Variants in EMB observed in about 807,000 individuals in gnomAD.
EMB encodes embigin homolog.
A neutral mutation model predicts 41.4 loss-of-function variants in EMB; 31 were observed. That is an observed-to-expected ratio of 0.75 (90% CI 0.56 to 1.01). The LOEUF (loss-of-function observed/expected upper bound fraction) is 1.01, where lower values mean the gene tolerates loss of function less well. EMB is among the 50% of genes least tolerant of loss of function. EMB has a pLI of 0.00. For synonymous variants in EMB, 137 were observed against 140.4 expected (o/e 0.98, Z 0.17); for missense variants, 379 against 388.3 (o/e 0.98, Z 0.20).
At chr5:50,410,753 A>C (rs562930785) in intron 4 of EMB, 124 bp downstream of exon 4, 1 of 628,974 alleles carries the variant, frequency 1.6e-6, no homozygotes, top group African/African-American at 1.9e-5. Context: ...TCTGGAAAGC[A>C]TATGACTTTC....
intron 1 of EMB, among the ~76,000 whole-genome samples, chr5:50,439,854 C>A (rs1745867484): frequency 6.6e-6 from 1 of 152,084 alleles, no homozygotes; most frequent in South Asian, 2.1e-4. Context: ...AATAATGTCC[C>A]AATTTTAGTT....
At chr5:50,432,903 C>T (rs978144786) in intron 1 of EMB, among the ~76,000 whole-genome samples, 7 of 151,850 alleles carry the variant, frequency 4.6e-5, no homozygotes, top group African/African-American at 1.7e-4. Context: ...ATGGTGAAAC[C>T]CCGTCTCTAC....
At chr5:50,428,385 T>C in intron 1 of EMB, 158 bp from the exon 2 acceptor site, 7 of 1,187,878 alleles carry the variant, frequency 5.9e-6, no homozygotes, top group Non-Finnish European at 7.5e-6. Flanking sequence ...CATTTAGAGA[T>C]ATATTAGGCT....
At chr5:50,426,667 T>C (rs1024204516) in intron 2 of EMB, among the ~76,000 whole-genome samples, 32 of 152,062 alleles carry the variant, frequency 2.1e-4, no homozygotes, top group Non-Finnish European at 2.8e-4. Flanking sequence ...AGTAACAACA[T>C]AGAAATGTTA....
intron 4 of EMB, among the ~76,000 whole-genome samples, chr5:50,410,368 T>C (rs1027226808): frequency 5.9e-5 from 9 of 152,106 alleles, no homozygotes; most frequent in African/African-American, 2.2e-4. Flanking sequence ...GAAATGTGGA[T>C]GATATTCTGT....
chr5:50,430,316 C>G (rs1223048965), intron 1 of EMB, among the ~76,000 whole-genome samples: 3 of 152,132 alleles, frequency 2.0e-5, no homozygotes, highest in Non-Finnish European at 4.4e-5. Context: ...CAGCAGAATA[C>G]AATCTTAAGG....
intron 2 of EMB, among the ~76,000 whole-genome samples, chr5:50,420,932 G>C (rs1417729969): frequency 6.6e-6 from 1 of 152,098 alleles, no homozygotes; most frequent in Non-Finnish European, 1.5e-5. Flanking sequence ...TCACACAGTT[G>C]ACTCATCCAT....
Position 50,441,181 on chromosome 5 carries a change from G to C in EMB, c.-30C>G. 1 of 1,346,244 alleles carries C rather than the reference G, an allele frequency of 7.4e-7. No homozygotes were observed. The highest frequency in any genetic ancestry group is 9.7e-7 in the Non-Finnish European group (1 of 1,027,058). 83.4% of individuals were successfully genotyped at this position (1,346,244 alleles called of 1,614,324 possible). ...CCAGAGGGTCCGCCTGGGTCCTCGT[G>C]GAGACTGCTCCCTCAGCTCGCCGCC... On this transcript the variant is annotated 5_prime_UTR_variant, in exon 1 of 9. Transcript: ENST00000303221.
chr5:50,420,543 T>C (rs1310326697), intron 2 of EMB, among the ~76,000 whole-genome samples: 2 of 152,166 alleles, frequency 1.3e-5, no homozygotes, highest in African/African-American at 2.4e-5. Context: ...AACAACAGAC[T>C]CTCTCTATCA....
chr5:50,425,972 C>T (rs1433976823), intron 2 of EMB, among the ~76,000 whole-genome samples: 2 of 152,140 alleles, frequency 1.3e-5, no homozygotes. Flanking sequence ...GCAGCAAATG[C>T]AACTTCTAAA....
intron 4 of EMB, among the ~76,000 whole-genome samples, chr5:50,409,382 TAGAAAAAAAA>T (rs1281795279): frequency 6.6e-6 from 1 of 151,910 alleles, no homozygotes; most frequent in East Asian, 1.9e-4. Flanking sequence ...CACAATGTCT[TAGAAAAAAAA>T]AGAAAAAAGT....
intron 2 of EMB, among the ~76,000 whole-genome samples, chr5:50,425,735 T>TTGCTCTGTCACCCAGGCTGGAG (rs533893699): frequency 0.51 from 68,056 of 132,412 alleles, 19,487 homozygotes; most frequent in African/African-American, 0.77. Context: ...AGATGGACTC[T>TTGCTCTGTCACCCAGGCTGGAG]TGCAGTGGCA....
chr5:50,439,487 AT>A (rs35139912), intron 1 of EMB, among the ~76,000 whole-genome samples: 49,416 of 137,484 alleles, frequency 0.36, 9,139 homozygotes, highest in African/African-American at 0.49. Flanking sequence ...CGCACTTTTA[AT>A]TTTTTTTTTT....
rs1745128356 is a variant in EMB, at chr5:50,399,673, G to A, written c.966+186C>T. Among the ~76,000 whole-genome samples the A allele has an allele frequency of 3.3e-5, 5 of 151,886 alleles. No individual in the cohort carries two copies. The South Asian group carries it at 1.0e-3, about 32-fold the overall frequency. ...ATTAGTTGCTATGTGCCCTCTGGTG[G>A]AAAATGATTTATTTTTGTATAACTA... On this transcript the variant is annotated intron_variant, in intron 8 of 8. Transcript: ENST00000303221.
rs13361719 is a variant in EMB, at chr5:50,428,615, G to A, written c.113-388C>T. The A allele has an allele frequency of 7.7e-3, 7,569 of 987,124 alleles. 359 individuals carry two copies. In the African/African-American group the frequency reaches 0.11, roughly 14 times the overall value. The allele number at this position is 987,124 out of a possible 1,614,324, so 61.1% of individuals were successfully genotyped here. The stretch of plus-strand genomic sequence containing the variant: ...CAGAGAGAGAAGATGAAAGAAGAGC[G>A]ACAGGCAGACCTTAATAAAGAGAAT... On this transcript the variant is annotated intron_variant, in intron 1 of 8. Transcript: ENST00000303221.
intron 5 of EMB, among the ~76,000 whole-genome samples, chr5:50,404,492 T>C (rs576226189): frequency 1.2e-3 from 188 of 152,084 alleles, no homozygotes; most frequent in Non-Finnish European, 1.9e-3. Context: ...CACATCCTAA[T>C]AAGACTCATG....
At chr5:50,441,913 C>T (rs559036677), upstream of EMB, among the ~76,000 whole-genome samples, 128 of 152,236 alleles carry the variant, frequency 8.4e-4, no homozygotes, top group African/African-American at 3.0e-3. Flanking sequence ...ATGTAAACTG[C>T]ACAAGACATT....
chr5:50,429,243 T>C (rs1186790270), intron 1 of EMB, among the ~76,000 whole-genome samples: 1 of 152,140 alleles, frequency 6.6e-6, no homozygotes, highest in African/African-American at 2.4e-5. Context: ...GACCTTACCT[T>C]CCAGGAAACT....
At chr5:50,402,263 A>G in intron 7 of EMB, 23 bp downstream of exon 7, 1 of 1,603,524 alleles carries the variant, frequency 6.2e-7, no homozygotes, top group Non-Finnish European at 8.5e-7. Context: ...AGTGAAAATT[A>G]ATCTGTAAAA....
Sources: allele counts gnomAD v4.1 joint callset (sites outside exome capture counted in the v4.1 genomes callset), GRCh38; gene constraint gnomAD v4.1.1; transcripts MANE v1.5; gene names NCBI Gene and HGNC (gene_info 2026-07-23, HGNC 2026-07-21).